MOCOS: variants seen among roughly 807,000 people sequenced by gnomAD.
MOCOS encodes human molybdenum cofactor sulfurase.
Under a neutral mutation model 83.6 loss-of-function variants are expected in MOCOS, and 86 were observed. That is an observed-to-expected ratio of 1.03 (90% CI 0.86 to 1.23). The LOEUF (loss-of-function observed/expected upper bound fraction) is 1.23. Ranked by LOEUF, MOCOS falls within the 50% of genes most tolerant of loss-of-function variation. The pLI is 0.00. For synonymous variants in MOCOS, 445 were observed against 434.7 expected (o/e 1.02, Z -0.29); for missense variants, 1,120 against 1,126.9 (o/e 0.99, Z 0.09).
At chr18:36,248,468 G>A (rs2091610462) in intron 9 of MOCOS, among the ~76,000 whole-genome samples, 1 of 151,974 alleles carries the variant, frequency 6.6e-6, no homozygotes. Flanking sequence ...CTCTATTTTG[G>A]CTTTTGAGGC....
At position 36,271,419 on chromosome 18, in the gene MOCOS, A is replaced by AT; in HGVS notation, c.*2737dup. 1 of 152,214 alleles carries AT rather than the reference A, an allele frequency of 6.6e-6. No homozygotes were observed. Among genetic ancestry groups the AT allele is most frequent in the Non-Finnish European group, 1.5e-5 (1 of 68,004 alleles). The allele number at this position is 152,214 out of a possible 1,614,324, so 9.4% of individuals were successfully genotyped here. A position where few individuals can be genotyped will look rare whatever the true frequency, so the allele number is the denominator to read the frequency against. ...TTTTTCTTTAGTGTCTACCTTCAAT[A>AT]TTTCTTGTATGAAGTTTCAGCTAAA... On this transcript the variant is annotated 3_prime_UTR_variant, in exon 15 of 15. Coordinates refer to ENST00000261326, the MANE Select transcript of MOCOS (RefSeq NM_017947.4).
At chr18:36,237,783 G>C (rs1456804716) in intron 9 of MOCOS, among the ~76,000 whole-genome samples, 16 of 151,132 alleles carry the variant, frequency 1.1e-4, no homozygotes, top group Admixed American at 9.9e-4. Context: ...TGGTTGGTAA[G>C]CTATTGATTA....
chr18:36,212,726 A>T, intron 6 of MOCOS, among the ~76,000 whole-genome samples: 1 of 152,206 alleles, frequency 6.6e-6, no homozygotes, highest in Admixed American at 6.5e-5. Context: ...TGGCCACCCC[A>T]CATGTGACTT....
At position 36,251,314 on chromosome 18, in the gene MOCOS, C is replaced by G. The variant is rs759171854; in HGVS notation, c.2164+31C>G. Reference sequence around the variant, plus strand: ...ACATTTTGAATTGGTTCGTAGAGAACAGGAACCCTGGCTTACCCTTGCACA... The same window carrying G: ...ACATTTTGAATTGGTTCGTAGAGAAGAGGAACCCTGGCTTACCCTTGCACA... On this transcript the variant is annotated intron_variant, in intron 11 of 14. Coordinates refer to ENST00000261326, the MANE Select transcript of MOCOS (RefSeq NM_017947.4). 3 of 1,612,086 alleles carry G rather than the reference C, an allele frequency of 1.9e-6. No homozygotes were observed. In the Admixed American group the frequency reaches 5.0e-5, roughly 27 times the overall value.
intron 11 of MOCOS, among the ~76,000 whole-genome samples, chr18:36,256,193 T>C (rs1426671922): frequency 1.6e-4 from 25 of 152,006 alleles, no homozygotes; most frequent in Admixed American, 1.6e-3. Context: ...CGCCTAGCCC[T>C]CCCTTTTAGT....
At chr18:36,197,438 TA>T (rs1430364029) in intron 2 of MOCOS, among the ~76,000 whole-genome samples, 1 of 104,102 alleles carries the variant, frequency 9.6e-6, no homozygotes, top group African/African-American at 3.8e-5. Flanking sequence ...TTGGTTTTAC[TA>T]GTGAGGAGAG....
intron 8 of MOCOS, among the ~76,000 whole-genome samples, chr18:36,219,536 G>A (rs1411981769): frequency 6.6e-6 from 1 of 151,978 alleles, no homozygotes; most frequent in African/African-American, 2.4e-5. Context: ...AAACTTAGCC[G>A]GGCATGGTGG....
chr18:36,196,926 G>C lies in MOCOS; in HGVS notation c.232+1580G>C, dbSNP rs191838221. On this transcript the variant is annotated intron_variant, in intron 2 of 14. Coordinates refer to ENST00000261326, the MANE Select transcript of MOCOS (RefSeq NM_017947.4). ...TCTAAAACTAAAGGGCAAATTCTGCGTTAATGAGCACATGTAGCTCCTGAG... is the reference window on the plus strand; with the variant it reads ...TCTAAAACTAAAGGGCAAATTCTGCCTTAATGAGCACATGTAGCTCCTGAG... Among the ~76,000 whole-genome samples the C allele has an allele frequency of 6.6e-5, 10 of 152,224 alleles. No homozygotes were observed. In the East Asian group the frequency reaches 1.7e-3, roughly 27 times the overall value.
chr18:36,232,817 A>G (rs1395973324), intron 9 of MOCOS, among the ~76,000 whole-genome samples: 1 of 151,438 alleles, frequency 6.6e-6, no homozygotes, highest in African/African-American at 2.4e-5. Flanking sequence ...TGCAAATAAC[A>G]TAATTTCCTT....
intron 9 of MOCOS, among the ~76,000 whole-genome samples, chr18:36,224,306 C>G (rs1276621576): frequency 6.6e-6 from 1 of 152,170 alleles, no homozygotes; most frequent in African/African-American, 2.4e-5. Context: ...ATTGCTCTGA[C>G]TAGAACTTCC....
chr18:36,201,907 C>T (rs1010126473), intron 4 of MOCOS, among the ~76,000 whole-genome samples: 9 of 152,046 alleles, frequency 5.9e-5, no homozygotes, highest in African/African-American at 2.2e-4. Context: ...ATGTAAGTTA[C>T]AGGCAGAACA....
chr18:36,239,769 C>T (rs1003042340), intron 9 of MOCOS, among the ~76,000 whole-genome samples: 4 of 149,668 alleles, frequency 2.7e-5, no homozygotes, highest in Non-Finnish European at 4.5e-5. Context: ...CTTTCAGGTA[C>T]ACCAATCAGA....
chr18:36,193,485 G>A (rs1212467451), intron 1 of MOCOS, among the ~76,000 whole-genome samples: 2 of 151,926 alleles, frequency 1.3e-5, no homozygotes, highest in African/African-American at 2.4e-5. Flanking sequence ...ACTATTCAAC[G>A]AGGGAAATAA....
At chr18:36,229,002 T>C (rs2091528242) in intron 9 of MOCOS, among the ~76,000 whole-genome samples, 1 of 152,228 alleles carries the variant, frequency 6.6e-6, no homozygotes, top group African/African-American at 2.4e-5. Context: ...TATTCTTTAA[T>C]ACTTTTGTCT....
rs765840089 is a variant in MOCOS, at chr18:36,266,890, A to G, written c.2514+37A>G. The G allele has an allele frequency of 1.5e-5, 23 of 1,526,626 alleles. No individual in the cohort carries two copies. In the African/African-American group the frequency reaches 2.7e-4, roughly 18 times the overall value. The allele number at this position is 1,526,626 out of a possible 1,614,324, so 94.6% of individuals were successfully genotyped here. A position where few individuals can be genotyped will look rare whatever the true frequency, so the allele number is the denominator to read the frequency against. On this transcript the variant is annotated intron_variant, in intron 14 of 14. Transcript: ENST00000261326. ...TGCAAAATATGACACCTGGTTTCCAATCCTGGTGTTATCAATACCAGAACT... is the reference window on the plus strand; with the variant it reads ...TGCAAAATATGACACCTGGTTTCCAGTCCTGGTGTTATCAATACCAGAACT...
At position 36,220,176 on chromosome 18, in the gene MOCOS, T is replaced by G. The variant is rs1378734931; in HGVS notation, c.1919T>G (p.Phe640Cys). 14 of 1,614,000 alleles carry G rather than the reference T, an allele frequency of 8.7e-6. No homozygotes were observed. The highest frequency in any genetic ancestry group is 1.1e-5 in the Non-Finnish European group (13 of 1,180,038). ...CCCCGGCTCTGCCTGATCCAGCCCTTCATCGACTTGCGGCAAAGGATCATG... is the reference window on the plus strand; with the variant it reads ...CCCCGGCTCTGCCTGATCCAGCCCTGCATCGACTTGCGGCAAAGGATCATG... ...QEPRLCLIQPFIDLRQRIMVI... is the reference protein window; with the variant it reads ...QEPRLCLIQPCIDLRQRIMVI... The change falls in exon 9 of 15, where the codon TTC becomes TGC. Residue 640 changes from phenylalanine (F) to cysteine (C), a missense_variant. By Grantham distance (205) the Phe-to-Cys change is radical. Transcript: ENST00000261326.
At chr18:36,244,806 C>T (rs1027920876) in intron 9 of MOCOS, among the ~76,000 whole-genome samples, 23 of 152,088 alleles carry the variant, frequency 1.5e-4, no homozygotes, top group African/African-American at 3.4e-4. Flanking sequence ...ACTCCAATTC[C>T]GGTGTTAGGT....
intron 12 of MOCOS, among the ~76,000 whole-genome samples, chr18:36,259,539 A>G (rs985330871): frequency 4.7e-5 from 6 of 126,548 alleles, no homozygotes; most frequent in Non-Finnish European, 6.8e-5. Context: ...CTTTATTTAT[A>G]ATGTTTTAAT....
chr18:36,256,542 T>C (rs1234608763), intron 11 of MOCOS, among the ~76,000 whole-genome samples: 4 of 150,478 alleles, frequency 2.7e-5, no homozygotes, highest in African/African-American at 7.3e-5. Context: ...CTCTGCCTCA[T>C]GGGTTCAAGT....
Sources: gnomAD v4.1 joint callset for allele counts (sites outside exome capture counted in the v4.1 genomes callset) on GRCh38, gnomAD v4.1.1 for gene constraint, MANE v1.5 for transcripts, NCBI Gene and HGNC (gene_info 2026-07-23, HGNC 2026-07-21) for gene names.